Variants in CNGB1 observed in about 807,000 individuals in gnomAD.
CNGB1 encodes the protein cyclic nucleotide gated channel subunit beta 1.
Under a neutral mutation model 151.7 loss-of-function variants are expected in CNGB1, and 126 were observed. The observed-to-expected ratio is 0.83, with a 90% confidence interval of 0.72 to 0.96. The LOEUF (loss-of-function observed/expected upper bound fraction) is 0.96. Ranked by LOEUF, CNGB1 falls within the 40% of genes least tolerant of loss-of-function variation. The pLI is 0.00. For synonymous variants in CNGB1, 623 were observed against 635.1 expected, an observed-to-expected ratio of 0.98 and a Z score of 0.29; for missense variants, 1,698 against 1,627.0, an observed-to-expected ratio of 1.04 and a Z score of -0.75.
intron 29 of CNGB1, among the ~76,000 whole-genome samples, chr16:57,898,389 T>C (rs1369528058): frequency 6.6e-6 from 1 of 152,148 alleles, no homozygotes; most frequent in African/African-American, 2.4e-5. Context: ...ATTGCCTTTT[T>C]TTTTTTGAGA....
intron 10 of CNGB1, among the ~76,000 whole-genome samples, chr16:57,959,132 G>A (rs1028599297): frequency 7.2e-5 from 11 of 151,960 alleles, no homozygotes; most frequent in African/African-American, 1.9e-4. Context: ...TTACTTGTGC[G>A]TGAACCCAAT....
At position 57,939,314 on chromosome 16, in the gene CNGB1, G is replaced by T. The variant is rs1299285777; in HGVS notation, c.1372+116C>A. 5 of 1,447,308 alleles carry T rather than the reference G, an allele frequency of 3.5e-6. No homozygotes were observed. The African/African-American group carries it at 4.2e-5, about 12-fold the overall frequency. The allele number at this position is 1,447,308 out of a possible 1,614,324, so 89.7% of individuals were successfully genotyped here. On this transcript the variant is annotated intron_variant, in intron 16 of 32. Transcript: ENST00000251102. ...AAGACAGGGTGGCTGAGGGGGCAATGGGGGGAAGGAGATGGAGGGAGAGGA... is the reference window on the plus strand; with the variant it reads ...AAGACAGGGTGGCTGAGGGGGCAATTGGGGGAAGGAGATGGAGGGAGAGGA...
chr16:57,937,027 A>T (rs534746367), intron 16 of CNGB1: 1 of 152,556 alleles, frequency 6.6e-6, no homozygotes, highest in Non-Finnish European at 1.5e-5. Context: ...GCAGGAAGAC[A>T]GCCCCAGCCA....
chr16:57,916,730 G>A (rs780578875), intron 21 of CNGB1, among the ~76,000 whole-genome samples: 1 of 152,100 alleles, frequency 6.6e-6, no homozygotes, highest in Non-Finnish European at 1.5e-5. Flanking sequence ...GGTAAGGCAG[G>A]GGTGGTGCAC....
At chr16:57,970,898 T>C (rs1962525261) in intron 1 of CNGB1, among the ~76,000 whole-genome samples, 162 bp downstream of exon 1, 1 of 152,070 alleles carries the variant, frequency 6.6e-6, no homozygotes, top group African/African-American at 2.4e-5. Context: ...GTACAAGCTG[T>C]CCTGAAAATT....
chr16:57,901,482 T>G, intron 28 of CNGB1, 46 bp downstream of exon 28: 1 of 1,613,704 alleles, frequency 6.2e-7, no homozygotes, highest in Non-Finnish European at 8.5e-7. Context: ...AAGATTGGGC[T>G]TGGAGCCTCC....
chr16:57,950,445 G>A lies in CNGB1; in HGVS notation c.970C>T (p.Pro324Ser), dbSNP rs376097724. Reference protein sequence around the residue: ...EDAHQDVSTSPQGTEVVPAYE... With the variant: ...EDAHQDVSTSSQGTEVVPAYE... ...GCTGGAACCACCTCTGTACCCTGTG[G>A]GCTGGTACTGACATCCTGGTGGGCA... The change falls in exon 13 of 33, where the codon CCA (proline) becomes TCA (serine). Residue 324 changes from proline (P) to serine (S), a missense_variant. Transcript: ENST00000251102. The A allele has an allele frequency of 9.9e-6, 16 of 1,614,084 alleles. No homozygotes were observed. Among genetic ancestry groups the A allele is most frequent in the Non-Finnish European group, 1.4e-5 (16 of 1,180,034 alleles).
intron 32 of CNGB1, among the ~76,000 whole-genome samples, chr16:57,886,123 G>A (rs1177998308): frequency 1.3e-5 from 2 of 152,122 alleles, no homozygotes; most frequent in Non-Finnish European, 2.9e-5. Context: ...AAAGCTTGAG[G>A]GGCTTCCTGG....
In CNGB1 at chr16:57,956,033, G is replaced by A. The variant is rs529067220; in HGVS notation, c.874+1308C>T. 2.8e-4 allele frequency among the ~76,000 whole-genome samples: 42 copies of A among 152,238 alleles called. No homozygotes were observed. In the South Asian group the frequency reaches 3.9e-3, roughly 14 times the overall value. Reference sequence around the variant, plus strand: ...GAGCCTGCCCCCATGGCCACCCAGCGTCCACCCATAACCCATATGCTCCAG... The same window carrying A: ...GAGCCTGCCCCCATGGCCACCCAGCATCCACCCATAACCCATATGCTCCAG... On this transcript the variant is annotated intron_variant, in intron 12 of 32. Transcript: ENST00000251102.
Position 57,940,324 on chromosome 16 carries a change from G to T in CNGB1, c.1122-3C>A, listed in dbSNP as rs767354503. The T allele has an allele frequency of 3.1e-5, 49 of 1,576,502 alleles. No homozygotes were observed. Among genetic ancestry groups the T allele is most frequent in the Non-Finnish European group, 4.0e-5 (47 of 1,161,142 alleles). On this transcript the variant is annotated splice_polypyrimidine_tract_variant and splice_region_variant and intron_variant, in intron 14 of 32. Coordinates refer to ENST00000251102, the MANE Select transcript of CNGB1 (RefSeq NM_001297.5). ...CCACACAGCTATCCAGCAGCACCCT[G>T]TGACCCGGGGCGGGGTGGGGAGGAT...
intron 21 of CNGB1, among the ~76,000 whole-genome samples, chr16:57,916,494 C>G (rs1285362296): frequency 6.6e-6 from 1 of 152,260 alleles, no homozygotes; most frequent in Non-Finnish European, 1.5e-5. Flanking sequence ...GGTAGTCACT[C>G]TGATCAGGCC....
chr16:57,935,207 C>T (rs1450924633), intron 16 of CNGB1, among the ~76,000 whole-genome samples: 1 of 152,128 alleles, frequency 6.6e-6, no homozygotes, highest in Non-Finnish European at 1.5e-5. Flanking sequence ...CCATCCGTCT[C>T]ATTAGAAAAC....
At chr16:57,895,733 A>G (rs1960205476) in intron 31 of CNGB1, among the ~76,000 whole-genome samples, 1 of 152,016 alleles carries the variant, frequency 6.6e-6, no homozygotes, top group South Asian at 2.1e-4. Flanking sequence ...AGAAATGGCC[A>G]TTTCCAGGAT....
chr16:57,884,522 A>T, intron 32 of CNGB1, 65 bp from the exon 33 acceptor site: 1 of 1,582,744 alleles, frequency 6.3e-7, no homozygotes, highest in East Asian at 2.2e-5. Context: ...AGGGTCTTGG[A>T]CACCTCCCTG....
chr16:57,919,865 G>A (rs1407137162), intron 19 of CNGB1, among the ~76,000 whole-genome samples: 2 of 152,058 alleles, frequency 1.3e-5, no homozygotes, highest in Non-Finnish European at 2.9e-5. Context: ...GGCCTGTTGT[G>A]GGCACCATGA....
intron 11 of CNGB1, among the ~76,000 whole-genome samples, chr16:57,958,150 T>C (rs1962137359): frequency 6.6e-6 from 1 of 152,132 alleles, no homozygotes; most frequent in Non-Finnish European, 1.5e-5. Context: ...TTCTTGATGC[T>C]CCCAGGAGGC....
At position 57,943,183 on chromosome 16, in the gene CNGB1, A is replaced by G. The variant is rs550789215; in HGVS notation, c.1122-2862T>C. Among the ~76,000 whole-genome samples the G allele has an allele frequency of 8.5e-5, 13 of 152,322 alleles. No homozygotes were observed. The South Asian group carries it at 2.5e-3, about 29-fold the overall frequency. On this transcript the variant is annotated intron_variant, in intron 14 of 32. Transcript: ENST00000251102. ...CCAAAATATATAAGAAACTCAACTCAATTGTAAGGAAAAAAACTGATTTTA... is the reference window on the plus strand; with the variant it reads ...CCAAAATATATAAGAAACTCAACTCGATTGTAAGGAAAAAAACTGATTTTA...
intron 17 of CNGB1, among the ~76,000 whole-genome samples, chr16:57,925,792 A>G (rs1205890639): frequency 1.3e-5 from 2 of 152,078 alleles, no homozygotes; most frequent in Admixed American, 1.3e-4. Flanking sequence ...GGTTCAAGCA[A>G]TTCTCCTGCC....
chr16:57,887,977 C>G lies in CNGB1; in HGVS notation c.3340G>C (p.Ala1114Pro), dbSNP rs200242407. The change falls in exon 32 of 33, where the codon GCT becomes CCT. Residue 1114 changes from alanine to proline, a missense_variant. Transcript: ENST00000251102. ...GTPKLFNAAL[A>P]MTGKMGGKGA... ...TTGCCACCCATCTTTCCTGTCATAGCGAGGGCAGCGTTGAAGAGCTTTGGG... is the reference window on the plus strand; with the variant it reads ...TTGCCACCCATCTTTCCTGTCATAGGGAGGGCAGCGTTGAAGAGCTTTGGG... 6.2e-7 allele frequency: 1 copy of G among 1,614,026 alleles called. No individual in the cohort carries two copies. Among genetic ancestry groups the G allele is most frequent in the Non-Finnish European group, 8.5e-7 (1 of 1,180,048 alleles).
Sources: gnomAD v4.1 joint callset for allele counts (sites outside exome capture counted in the v4.1 genomes callset) on GRCh38, gnomAD v4.1.1 for gene constraint, MANE v1.5 for transcripts, NCBI Gene and HGNC (gene_info 2026-07-23, HGNC 2026-07-21) for gene names.